The following TRAPPC9 variants were observed in gnomAD, a reference collection of about 807,000 sequenced individuals.
The protein encoded by TRAPPC9 is IKK2 binding protein.
A neutral mutation model predicts 124.0 loss-of-function variants in TRAPPC9; 83 were observed. The observed-to-expected ratio is 0.67, with a 90% CI of 0.56 to 0.80. The LOEUF (loss-of-function observed/expected upper bound fraction) is 0.80. Ranked by LOEUF, TRAPPC9 falls within the 30% of genes least tolerant of loss-of-function variation. TRAPPC9 has a pLI of 0.00. For synonymous variants in TRAPPC9, 638 were observed against 617.5 expected (o/e 1.03, Z -0.49); for missense variants, 1,302 against 1,508.3 (o/e 0.86, Z 2.27).
chr8:140,185,966 A>G (rs1247072920), intron 17 of TRAPPC9, among the ~76,000 whole-genome samples: 1 of 152,184 alleles, frequency 6.6e-6, no homozygotes, highest in African/African-American at 2.4e-5. Context: ...AAAAAAGTCA[A>G]GGAGAAGGGG....
intron 9 of TRAPPC9, among the ~76,000 whole-genome samples, chr8:140,329,233 C>CAAG (rs896097411): frequency 1.3e-5 from 2 of 151,998 alleles, no homozygotes; most frequent in Non-Finnish European, 2.9e-5. Context: ...AGATGAGACT[C>CAAG]AAGAGGCCAA....
Position 140,252,867 on chromosome 8 carries a change from G to T in TRAPPC9, c.2341C>A (p.Gln781Lys), listed in dbSNP as rs758925630. The change falls in exon 16 of 23, where the codon CAG becomes AAG. Residue 781 changes from glutamine (Q) to lysine (K), a missense_variant. By Grantham distance (53) the Gln-to-Lys change is moderately conservative. Coordinates refer to ENST00000438773, the MANE Select transcript of TRAPPC9 (RefSeq NM_001160372.4). This position sits in a 1 kb window ranked among gnomAD's most constrained non-coding sequence, Gnocchi z 4.2. ...GTGAACGTGGCCACCTTCCCAGGCT[G>T]CAAAGGGAACTGGGCAAGGGTTTCC... is the stretch of plus-strand genomic sequence containing the variant. ...LEETLAQFPL[Q>K]PGKVATFTIN... The T allele has an allele frequency of 6.8e-6, 11 of 1,614,090 alleles. No homozygotes were observed. The highest frequency in any genetic ancestry group is 3.3e-5 in the South Asian group (3 of 91,072).
chr8:140,306,152 G>T (rs1324076469), intron 10 of TRAPPC9, among the ~76,000 whole-genome samples: 3 of 152,054 alleles, frequency 2.0e-5, no homozygotes, highest in Non-Finnish European at 4.4e-5. Context: ...GCATATCTTG[G>T]GGGAAAAAAG....
Position 139,882,457 on chromosome 8 carries a change from G to T in TRAPPC9, c.3055+3422C>A, listed in dbSNP as rs907020068. On this transcript the variant is annotated intron_variant, in intron 21 of 22. Transcript: ENST00000438773. ...CTTTGCGTTCAGACAAGAGTGCAGT[G>T]AATACCACGGCTCTTTTCTCTCACC... 4.6e-5 allele frequency among the ~76,000 whole-genome samples: 7 copies of T among 152,296 alleles called. No homozygotes were observed. The South Asian group carries it at 1.2e-3, about 27-fold the overall frequency.
At chr8:140,458,051 G>A (rs1462109541), upstream of TRAPPC9, among the ~76,000 whole-genome samples, 5 of 130,418 alleles carry the variant, frequency 3.8e-5, no homozygotes, top group African/African-American at 1.6e-4. Flanking sequence ...AGGAGGGAGG[G>A]GCAGCGAGAG....
intron 17 of TRAPPC9, among the ~76,000 whole-genome samples, chr8:140,045,631 GAAAAAAAAAAA>G (rs57243402): frequency 2.1e-4 from 7 of 33,252 alleles, no homozygotes; most frequent in Admixed American, 4.0e-4. Flanking sequence ...CATCTCGGCA[GAAAAAAAAAAA>G]AAAAAAAAAA....
At chr8:139,978,874 C>T (rs4736122) in intron 19 of TRAPPC9, among the ~76,000 whole-genome samples, 75,553 of 151,904 alleles carry the variant, frequency 0.5, 19,268 homozygotes, top group East Asian at 0.92. Flanking sequence ...GGGATCGCAA[C>T]GCGTCTCTGC....
At chr8:139,856,884 A>G (rs149282305) in intron 21 of TRAPPC9, among the ~76,000 whole-genome samples, 18 of 152,264 alleles carry the variant, frequency 1.2e-4, no homozygotes, top group Admixed American at 9.8e-4. Context: ...GTCATGTTTC[A>G]TTCAAGTATT....
intron 10 of TRAPPC9, among the ~76,000 whole-genome samples, chr8:140,307,817 C>T (rs908248379): frequency 5.3e-5 from 8 of 152,156 alleles, no homozygotes; most frequent in Non-Finnish European, 1.0e-4. Context: ...CTTCTTTCTG[C>T]CTTGGATGTA....
intron 6 of TRAPPC9, among the ~76,000 whole-genome samples, chr8:140,399,753 T>C (rs2069205072): frequency 6.6e-6 from 1 of 152,232 alleles, no homozygotes; most frequent in African/African-American, 2.4e-5. Flanking sequence ...CTGAAATGAG[T>C]TAAAACTTTG....
chr8:140,418,765 GATA>G (rs2070043056), intron 5 of TRAPPC9, among the ~76,000 whole-genome samples: 2 of 151,112 alleles, frequency 1.3e-5, no homozygotes, highest in African/African-American at 2.4e-5. Context: ...TAGATAGATA[GATA>G]GATAGACAGA....
intron 5 of TRAPPC9, among the ~76,000 whole-genome samples, chr8:140,426,009 GCACAGCCATCTGAT>G (rs2070410230): frequency 6.6e-6 from 1 of 152,194 alleles, no homozygotes; most frequent in Non-Finnish European, 1.5e-5. Flanking sequence ...GGCTGTGTAA[GCACAGCCATCTGAT>G]TTCAATTCTA....
At chr8:140,307,147 C>T (rs2066160425) in intron 10 of TRAPPC9, among the ~76,000 whole-genome samples, 1 of 152,188 alleles carries the variant, frequency 6.6e-6, no homozygotes, top group Admixed American at 6.5e-5. Flanking sequence ...TGTTCCTTTA[C>T]AGGTGTTACT....
At chr8:140,319,032 A>T (rs185558019) in intron 9 of TRAPPC9, among the ~76,000 whole-genome samples, 68 of 152,342 alleles carry the variant, frequency 4.5e-4, no homozygotes, top group African/African-American at 1.4e-3. Flanking sequence ...TTCACAGCAT[A>T]TGATTTGGTT....
chr8:140,038,147 T>C (rs1471253252), intron 17 of TRAPPC9, among the ~76,000 whole-genome samples: 2 of 151,712 alleles, frequency 1.3e-5, no homozygotes. Context: ...CCAAAGTGTA[T>C]TTTCATCATG....
At chr8:139,911,994 C>T (rs867415066) in intron 19 of TRAPPC9, among the ~76,000 whole-genome samples, 15 of 152,000 alleles carry the variant, frequency 9.9e-5, no homozygotes, top group South Asian at 2.1e-4. Context: ...AGACGCTCCC[C>T]GCAAGCAGAG....
At chr8:139,777,673 C>A (rs1011583432) in intron 21 of TRAPPC9, among the ~76,000 whole-genome samples, 1 of 152,152 alleles carries the variant, frequency 6.6e-6, no homozygotes, top group African/African-American at 2.4e-5. Flanking sequence ...CCAGTCAAGA[C>A]GGAGTAACAA....
At chr8:139,855,481 C>T (rs375452210) in intron 21 of TRAPPC9, among the ~76,000 whole-genome samples, 2 of 152,162 alleles carry the variant, frequency 1.3e-5, no homozygotes, top group South Asian at 2.1e-4. Flanking sequence ...CGTGGAGACC[C>T]GAGAGGATAA....
At chr8:139,894,614 T>C (rs1830552932) in intron 20 of TRAPPC9, among the ~76,000 whole-genome samples, 1 of 152,250 alleles carries the variant, frequency 6.6e-6, no homozygotes, top group South Asian at 2.1e-4. Flanking sequence ...ACAGAGCAAC[T>C]TCCTCTTCAG....
Sources: gnomAD v4.1 joint callset for allele counts (sites outside exome capture counted in the v4.1 genomes callset) on GRCh38, gnomAD v4.1.1 for gene constraint, Gnocchi (gnomAD v3.1) non-coding constraint, MANE v1.5 for transcripts, NCBI Gene and HGNC (gene_info 2026-07-23, HGNC 2026-07-21) for gene names.